Variants in TBC1D5 observed in about 807,000 individuals in gnomAD.
TBC1D5 encodes TBC1 domain family, member 5.
A neutral mutation model predicts 100.3 loss-of-function variants in TBC1D5; 75 were observed. The observed-to-expected ratio is 0.75, with a 90% CI of 0.62 to 0.91. The LOEUF is 0.91. TBC1D5 is among the 40% of genes least tolerant of loss of function. The probability of loss-of-function intolerance (pLI) is 0.00; values close to 1 mark genes in which losing one functional copy is unlikely to be tolerated. For synonymous variants in TBC1D5, 323 were observed against 325.6 expected, an observed-to-expected ratio of 0.99 and a Z score of 0.09; for missense variants, 910 against 942.4, an observed-to-expected ratio of 0.97 and a Z score of 0.45.
At chr3:17,536,337 G>A (rs2096281217) in intron 2 of TBC1D5, among the ~76,000 whole-genome samples, 1 of 152,116 alleles carries the variant, frequency 6.6e-6, no homozygotes, top group Non-Finnish European at 1.5e-5. Context: ...AAGGTGATTT[G>A]AAAATAGCCA....
intron 2 of TBC1D5, among the ~76,000 whole-genome samples, chr3:17,516,609 C>T (rs1378100926): frequency 1.3e-5 from 2 of 152,130 alleles, no homozygotes; most frequent in Non-Finnish European, 2.9e-5. Flanking sequence ...GCTTATCATA[C>T]ATTTTTGTAA....
intron 3 of TBC1D5, among the ~76,000 whole-genome samples, chr3:17,448,175 T>C (rs1030492799): frequency 2.0e-5 from 3 of 152,182 alleles, no homozygotes; most frequent in Non-Finnish European, 4.4e-5. Context: ...AGTTTTATCA[T>C]GAGATTGCAG....
intron 3 of TBC1D5, among the ~76,000 whole-genome samples, chr3:17,468,201 T>C (rs2095331393): frequency 1.3e-5 from 2 of 152,084 alleles, no homozygotes; most frequent in East Asian, 3.9e-4. Flanking sequence ...TAACATCAAT[T>C]GAAGATTAGA....
chr3:17,220,837 C>CA (rs1309153924), intron 17 of TBC1D5, among the ~76,000 whole-genome samples: 2 of 151,972 alleles, frequency 1.3e-5, no homozygotes, highest in Non-Finnish European at 2.9e-5. Flanking sequence ...GAACAAAAGA[C>CA]AAATCAAGAA....
chr3:17,489,073 G>T (rs1349525093), intron 3 of TBC1D5, among the ~76,000 whole-genome samples: 2 of 151,276 alleles, frequency 1.3e-5, no homozygotes, highest in Admixed American at 1.3e-4. Context: ...AAAACGCTGG[G>T]GACTACTGGG....
chr3:17,671,554 T>C (rs114983254), intron 1 of TBC1D5, among the ~76,000 whole-genome samples: 311 of 152,330 alleles, frequency 2.0e-3, no homozygotes, highest in African/African-American at 7.3e-3. Flanking sequence ...TCAAGCAAAG[T>C]AGACTTAATA....
chr3:17,253,395 G>A (rs559507988), intron 16 of TBC1D5, among the ~76,000 whole-genome samples: 8 of 152,306 alleles, frequency 5.3e-5, no homozygotes, highest in African/African-American at 1.9e-4. Context: ...TCTGAAGAGA[G>A]TTGTTAATTC....
chr3:17,275,890 G>C (rs2079945761), intron 15 of TBC1D5, among the ~76,000 whole-genome samples: 1 of 152,118 alleles, frequency 6.6e-6, no homozygotes, highest in African/African-American at 2.4e-5. Context: ...CTTCCCATCT[G>C]CTTCTACCTG....
At chr3:17,566,684 T>C (rs2096595966) in intron 2 of TBC1D5, among the ~76,000 whole-genome samples, 2 of 151,910 alleles carry the variant, frequency 1.3e-5, no homozygotes, top group African/African-American at 4.8e-5. Flanking sequence ...TCCTCTCCTC[T>C]GTTTTACTGT....
chr3:17,625,331 T>C (rs2062965026), intron 1 of TBC1D5, among the ~76,000 whole-genome samples: 1 of 152,112 alleles, frequency 6.6e-6, no homozygotes, highest in African/African-American at 2.4e-5. Context: ...GCAAGTGTCC[T>C]TGTGCTTATA....
chr3:17,712,226 C>T (rs1277822957), intron 1 of TBC1D5, among the ~76,000 whole-genome samples: 1 of 152,072 alleles, frequency 6.6e-6, no homozygotes, highest in African/African-American at 2.4e-5. Context: ...CAGAAACCCA[C>T]ACAAAGTTGC....
At chr3:17,615,944 T>G (rs2062114428) in intron 2 of TBC1D5, among the ~76,000 whole-genome samples, 3 of 152,216 alleles carry the variant, frequency 2.0e-5, no homozygotes, top group Non-Finnish European at 2.9e-5. Flanking sequence ...TGAATTTGTT[T>G]GCTGTTGCTT....
At chr3:17,387,218 T>C (rs2093187651) in intron 8 of TBC1D5, among the ~76,000 whole-genome samples, 1 of 152,138 alleles carries the variant, frequency 6.6e-6, no homozygotes, top group Admixed American at 6.6e-5. Context: ...AATCAGAGTT[T>C]TGTGCTGAGT....
chr3:17,345,185 A>G (rs1231919394), intron 13 of TBC1D5, among the ~76,000 whole-genome samples: 2 of 152,152 alleles, frequency 1.3e-5, no homozygotes, highest in Non-Finnish European at 2.9e-5. Flanking sequence ...CAAAGGGCTA[A>G]TATCCAGAAT....
At chr3:17,366,498 A>G (rs1190613696) in intron 13 of TBC1D5, among the ~76,000 whole-genome samples, 1 of 152,134 alleles carries the variant, frequency 6.6e-6, no homozygotes, top group African/African-American at 2.4e-5. Context: ...CTGAAAAATA[A>G]TAATTCTGGG....
chr3:17,720,237 T>C (rs1041652798), intron 1 of TBC1D5, among the ~76,000 whole-genome samples: 5 of 152,236 alleles, frequency 3.3e-5, no homozygotes, highest in African/African-American at 1.2e-4. Context: ...TTTCAATGTC[T>C]CTGTAACCTG....
chr3:17,447,807 G>A (rs537617009), intron 3 of TBC1D5, among the ~76,000 whole-genome samples: 14 of 152,046 alleles, frequency 9.2e-5, no homozygotes, highest in East Asian at 1.9e-4. Context: ...AGATAATAAC[G>A]TTTCAAAACT....
chr3:17,372,367 T>C (rs1254563176), intron 12 of TBC1D5, 120 bp from the exon 13 acceptor site: 1 of 896,976 alleles, frequency 1.1e-6, no homozygotes, highest in Non-Finnish European at 1.5e-6. Context: ...CTACTCATTC[T>C]TAAAAAAAGG....
intron 19 of TBC1D5, among the ~76,000 whole-genome samples, chr3:17,176,940 C>G (rs144445324): frequency 2.4e-4 from 36 of 152,256 alleles, no homozygotes; most frequent in South Asian, 1.9e-3. Context: ...AATGCTACCC[C>G]CTGTGGGAGT....
Sources: gnomAD v4.1 joint callset for allele counts (sites outside exome capture counted in the v4.1 genomes callset) on GRCh38, gnomAD v4.1.1 for gene constraint, MANE v1.5 for transcripts, NCBI Gene and HGNC (gene_info 2026-07-23, HGNC 2026-07-21) for gene names.